Variants in CD2AP observed in about 807,000 individuals in gnomAD.
The protein encoded by CD2AP is CD2 associated protein, also known as CD2-associated protein.
In CD2AP, 46 loss-of-function variants were observed where a neutral mutation model predicts 85.1. The ratio of observed to expected loss-of-function variants is 0.54; its 90% confidence interval spans 0.43 to 0.69. The LOEUF is 0.69. CD2AP is among the 30% of genes least tolerant of loss of function. The probability of loss-of-function intolerance (pLI) is 0.00; values close to 1 mark genes in which losing one functional copy is unlikely to be tolerated. For synonymous variants in CD2AP, 255 were observed against 252.9 expected (o/e 1.01, Z -0.08); for missense variants, 769 against 729.5 (o/e 1.05, Z -0.62).
At chr6:47,556,475 G>A (rs1767695383) in intron 5 of CD2AP, among the ~76,000 whole-genome samples, 1 of 151,926 alleles carries the variant, frequency 6.6e-6, no homozygotes, top group South Asian at 2.1e-4. Context: ...AGCCTCCCAA[G>A]CAGTTGGGAT....
chr6:47,532,029 C>T (rs903418094), intron 2 of CD2AP, among the ~76,000 whole-genome samples: 6 of 151,652 alleles, frequency 4.0e-5, no homozygotes, highest in South Asian at 4.2e-4. Flanking sequence ...CCAGAGATCG[C>T]GCTCAGTGCA....
intron 11 of CD2AP, among the ~76,000 whole-genome samples, chr6:47,587,651 A>T (rs1768667706): frequency 6.6e-6 from 1 of 152,140 alleles, no homozygotes; most frequent in Non-Finnish European, 1.5e-5. Flanking sequence ...TCATCATGTC[A>T]TTGGTATGAA....
At chr6:47,583,877 C>A (rs1156745441) in intron 11 of CD2AP, among the ~76,000 whole-genome samples, 1 of 152,142 alleles carries the variant, frequency 6.6e-6, no homozygotes, top group Admixed American at 6.5e-5. Flanking sequence ...TTGTACTCCC[C>A]CTAGTAATCA....
chr6:47,609,585 G>C (rs1760127731), intron 16 of CD2AP: 2 of 312,574 alleles, frequency 6.4e-6, no homozygotes, highest in African/African-American at 4.4e-5. Context: ...TGTGGTCCCA[G>C]CTACTCAAGA....
In CD2AP at chr6:47,609,249, AG is replaced by A; in HGVS notation, c.1760del (p.Arg587LysfsTer11). Reference protein sequence around the residue: ...DVKKNSLDELRAQIIELLCIV... With the variant: ...DVKKNSLDELXAQIIELLCIV... Reference sequence around the variant, plus strand: ...GAAAAAAAATTCCCTGGATGAACTTAGAGCCCAGATTATTGAATTGTTGTGC... The same window carrying A: ...GAAAAAAAATTCCCTGGATGAACTTAAGCCCAGATTATTGAATTGTTGTGC... On this transcript the variant is annotated frameshift_variant, in exon 16 of 18. Transcript: ENST00000359314. LOFTEE classifies it high-confidence loss of function. The A allele has an allele frequency of 6.2e-7, 1 of 1,613,776 alleles. No individual in the cohort carries two copies. The highest frequency in any genetic ancestry group is 8.5e-7 in the Non-Finnish European group (1 of 1,179,814).
At chr6:47,541,318 GTT>G (rs962455320) in intron 3 of CD2AP, among the ~76,000 whole-genome samples, 1 of 152,066 alleles carries the variant, frequency 6.6e-6, no homozygotes, top group Non-Finnish European at 1.5e-5. Context: ...TAGAGATGGG[GTT>G]TCACCATGTT....
At chr6:47,481,702 A>G (rs1295361375) in intron 1 of CD2AP, among the ~76,000 whole-genome samples, 1 of 152,172 alleles carries the variant, frequency 6.6e-6, no homozygotes, top group Admixed American at 6.5e-5. Flanking sequence ...ATGCACTTCT[A>G]TAATAGAGTG....
chr6:47,583,082 C>T (rs1768526209), intron 11 of CD2AP, among the ~76,000 whole-genome samples: 3 of 152,092 alleles, frequency 2.0e-5, no homozygotes, highest in Admixed American at 1.3e-4. Context: ...CGTGCCTGGG[C>T]CAGTATCATT....
At chr6:47,610,972 T>TATATATATATATATATATA (rs1491427733) in intron 16 of CD2AP, among the ~76,000 whole-genome samples, 677 of 55,902 alleles carry the variant, frequency 0.012, 7 homozygotes, top group African/African-American at 0.023. Flanking sequence ...TATATATGTA[T>TATATATATATATATATATA]TTTTTTTTTT....
chr6:47,503,400 T>C lies in CD2AP; in HGVS notation c.125T>C (p.Leu42Pro), dbSNP rs780521436. Residue 42 changes from leucine to proline, a missense_variant, in exon 2 of 18, where the codon CTA becomes CCA. Coordinates refer to ENST00000359314, the MANE Select transcript of CD2AP (RefSeq NM_012120.3). The part of the protein sequence containing the change: ...LQEEGWLEGE[L>P]NGRRGMFPDN... ...GAGGAAGGGTGGCTGGAAGGAGAACTAAATGGGAGAAGAGGAATGTTCCCT... is the reference window on the plus strand; with the variant it reads ...GAGGAAGGGTGGCTGGAAGGAGAACCAAATGGGAGAAGAGGAATGTTCCCT... 1.9e-6 allele frequency: 3 copies of C among 1,613,898 alleles called. No homozygotes were observed. The Admixed American group carries it at 5.0e-5, about 27-fold the overall frequency.
chr6:47,585,625 A>G (rs1487963905), intron 11 of CD2AP, among the ~76,000 whole-genome samples: 1 of 152,124 alleles, frequency 6.6e-6, no homozygotes, highest in African/African-American at 2.4e-5. Flanking sequence ...GGCAGCTACA[A>G]TTTGTGGGGC....
chr6:47,594,736 A>G (rs1376239963), intron 11 of CD2AP, among the ~76,000 whole-genome samples: 2 of 152,028 alleles, frequency 1.3e-5, no homozygotes. Context: ...GTACCAAATG[A>G]TGACCAGAAT....
intron 11 of CD2AP, among the ~76,000 whole-genome samples, chr6:47,592,157 A>G (rs1173993735): frequency 1.3e-5 from 2 of 152,102 alleles, no homozygotes; most frequent in Non-Finnish European, 2.9e-5. Flanking sequence ...TTATCATAAT[A>G]TCTGTACCTT....
Position 47,478,137 on chromosome 6 carries a change from G to A in CD2AP, c.-108G>A. The A allele has an allele frequency of 7.1e-7, 1 of 1,410,652 alleles. No individual in the cohort carries two copies. Among genetic ancestry groups the A allele is most frequent in the South Asian group, 1.2e-5 (1 of 81,172 alleles). The allele number at this position is 1,410,652 out of a possible 1,614,324, so 87.4% of individuals were successfully genotyped here. ...CCCCGCCTGAGCTCAGGAGGGGCTA[G>A]CGCGGAGCGCGGGTCCCGCCTCCAG... On this transcript the variant is annotated 5_prime_UTR_variant, in exon 1 of 18. Coordinates refer to ENST00000359314, the MANE Select transcript of CD2AP (RefSeq NM_012120.3).
chr6:47,594,999 G>A (rs1366661593), intron 11 of CD2AP, among the ~76,000 whole-genome samples: 2 of 151,870 alleles, frequency 1.3e-5, no homozygotes, highest in Non-Finnish European at 2.9e-5. Flanking sequence ...TATTCAGTAT[G>A]GTGCTTAGGA....
chr6:47,559,275 T>A (rs1339622650), intron 5 of CD2AP, among the ~76,000 whole-genome samples: 2 of 150,742 alleles, frequency 1.3e-5, no homozygotes, highest in Non-Finnish European at 3.0e-5. Context: ...TTTTTTTTTT[T>A]AACAGGCAGG....
chr6:47,512,728 A>G (rs920281786), intron 2 of CD2AP, among the ~76,000 whole-genome samples: 2 of 152,244 alleles, frequency 1.3e-5, no homozygotes, highest in African/African-American at 4.8e-5. Flanking sequence ...TAAAGAGAAC[A>G]TTACAGATGA....
chr6:47,505,713 G>A (rs1326328746), intron 2 of CD2AP, among the ~76,000 whole-genome samples: 6 of 74,212 alleles, frequency 8.1e-5, no homozygotes, highest in African/African-American at 1.3e-4. Flanking sequence ...GTGGCTGGCC[G>A]GGCTGAGGGG....
chr6:47,584,375 T>G (rs1272015142), intron 11 of CD2AP, among the ~76,000 whole-genome samples: 4 of 152,140 alleles, frequency 2.6e-5, no homozygotes, highest in Non-Finnish European at 1.5e-5. Flanking sequence ...GTGATTCATT[T>G]TGAGTTAATT....
Sources: allele counts gnomAD v4.1 joint callset (sites outside exome capture counted in the v4.1 genomes callset), GRCh38; gene constraint gnomAD v4.1.1; transcripts MANE v1.5; gene names NCBI Gene and HGNC (gene_info 2026-07-23, HGNC 2026-07-21).